The following SCML2 variants were observed in gnomAD, a reference collection of about 807,000 sequenced individuals.
SCML2 encodes Scm polycomb group protein like 2, also known as sex comb on midleg-like protein 2.
A neutral mutation model predicts 48.4 loss-of-function variants in SCML2; 6 were observed. The observed-to-expected ratio is 0.12, with a 90% CI of 0.07 to 0.24. The LOEUF (loss-of-function observed/expected upper bound fraction) is 0.24, where lower values mean the gene tolerates loss of function less well. Among genes scored for constraint, SCML2 ranks in the 10% least tolerant of loss-of-function variants. The pLI is 1.00. For synonymous variants in SCML2, 181 were observed against 189.5 expected, an observed-to-expected ratio of 0.95 and a Z score of 0.37; for missense variants, 377 against 528.2, an observed-to-expected ratio of 0.71 and a Z score of 2.81.
chrX:18,249,374 G>A (rs1437831867), intron 11 of SCML2, among the ~76,000 whole-genome samples: 1 of 111,314 alleles, frequency 9.0e-6, no homozygotes, highest in Non-Finnish European at 1.9e-5. Flanking sequence ...ATCGCTGGAG[G>A]GGGCACAATG....
At chrX:18,262,884 T>C (rs1355835968) in intron 8 of SCML2, among the ~76,000 whole-genome samples, 1 of 107,051 alleles carries the variant, frequency 9.3e-6, no homozygotes, top group Non-Finnish European at 1.9e-5. Context: ...CCCAGCTAAT[T>C]TGTGTATTTT....
intron 1 of SCML2, among the ~76,000 whole-genome samples, chrX:18,341,957 C>T (rs998966453): frequency 1.6e-4 from 18 of 112,066 alleles, no homozygotes; most frequent in African/African-American, 3.6e-4. Flanking sequence ...ATAGCATCAA[C>T]GGATTCTTAG....
chrX:18,329,019 T>TG (rs1929569262), intron 3 of SCML2, among the ~76,000 whole-genome samples: 3 of 110,824 alleles, frequency 2.7e-5, no homozygotes, highest in Middle Eastern at 4.7e-3. Context: ...TAGGGAGAAA[T>TG]GGGGAGTACT....
chrX:18,248,819 T>C (rs1926543257), intron 11 of SCML2, among the ~76,000 whole-genome samples: 2 of 112,443 alleles, frequency 1.8e-5, no homozygotes, highest in South Asian at 7.3e-4. Flanking sequence ...TTCTAAAATA[T>C]AGTTTTCTAT....
Position 18,241,141 on chromosome X carries a change from AT to A in SCML2, c.*109del. 1.4e-6 allele frequency: 1 copy of A among 705,415 alleles called. No homozygotes were observed. The highest frequency in any genetic ancestry group is 2.0e-6 in the Non-Finnish European group (1 of 512,609). The allele number at this position is 705,415 out of a possible 1,213,427, so 58.1% of individuals were successfully genotyped here. On this transcript the variant is annotated 3_prime_UTR_variant, in exon 15 of 15. Coordinates refer to ENST00000251900, the MANE Select transcript of SCML2 (RefSeq NM_006089.3). ...TACAGTTCTGCAATTCTGATAAAATATTTTTATGGGAACTGTCTACAAAACA... is the reference window on the plus strand; with the variant it reads ...TACAGTTCTGCAATTCTGATAAAATATTTTATGGGAACTGTCTACAAAACA...
At chrX:18,290,707 TTA>T (rs775490855) in intron 7 of SCML2, among the ~76,000 whole-genome samples, 1 of 111,737 alleles carries the variant, frequency 8.9e-6, no homozygotes, top group Non-Finnish European at 1.9e-5. Flanking sequence ...TATTTATTTA[TTA>T]TGTTAATAAA....
intron 1 of SCML2, among the ~76,000 whole-genome samples, chrX:18,335,582 G>T (rs1433905935): frequency 6.3e-5 from 7 of 111,812 alleles, no homozygotes; most frequent in Non-Finnish European, 1.3e-4. Flanking sequence ...GTCACACACA[G>T]AAGATATAAC....
chrX:18,268,464 G>A (rs1447564199), intron 7 of SCML2, among the ~76,000 whole-genome samples: 1 of 109,905 alleles, frequency 9.1e-6, no homozygotes, highest in Non-Finnish European at 1.9e-5. Context: ...GGGAGGCAGA[G>A]GTTGCAATGA....
intron 7 of SCML2, among the ~76,000 whole-genome samples, chrX:18,298,678 G>A (rs1268723463): frequency 9.0e-6 from 1 of 110,866 alleles, no homozygotes; most frequent in South Asian, 3.8e-4. Context: ...CCAACATGGG[G>A]AAACCCCGTC....
intron 5 of SCML2, among the ~76,000 whole-genome samples, chrX:18,322,332 T>C (rs1041799337): frequency 1.8e-5 from 2 of 112,165 alleles, no homozygotes; most frequent in South Asian, 3.7e-4. Context: ...AATCTAGTTA[T>C]GTATTTGAAA....
chrX:18,245,798 G>C (rs1926423794), intron 13 of SCML2, among the ~76,000 whole-genome samples: 1 of 111,985 alleles, frequency 8.9e-6, no homozygotes, highest in South Asian at 3.7e-4. Context: ...GGAATGCAAT[G>C]GCGCAATCTC....
intron 6 of SCML2, among the ~76,000 whole-genome samples, chrX:18,308,371 GAGGGAGGGA>G (rs1928835621): frequency 1.3e-5 from 1 of 79,063 alleles, no homozygotes; most frequent in Non-Finnish European, 2.4e-5. Flanking sequence ...GGGAGGGAGG[GAGGGAGGGA>G]AGGACAACCT....
At chrX:18,246,954 T>A in intron 12 of SCML2, 126 bp from the exon 13 acceptor site, 1 of 670,317 alleles carries the variant, frequency 1.5e-6, no homozygotes, top group Non-Finnish European at 2.2e-6. Context: ...CACAATGCTC[T>A]AACACAAAGT....
chrX:18,330,925 A>T (rs763096090), intron 2 of SCML2, among the ~76,000 whole-genome samples: 2 of 110,763 alleles, frequency 1.8e-5, no homozygotes, highest in Non-Finnish European at 3.8e-5. Context: ...CAAGCGCCTA[A>T]AACAGGACCT....
At chrX:18,326,967 G>A (rs1012244516) in intron 3 of SCML2, among the ~76,000 whole-genome samples, 2 of 111,625 alleles carry the variant, frequency 1.8e-5, no homozygotes, top group Admixed American at 9.6e-5. Flanking sequence ...AGTGAAAACC[G>A]AAATCCACGG....
intron 1 of SCML2, among the ~76,000 whole-genome samples, chrX:18,347,818 T>C (rs190710195): frequency 0.02 from 2,044 of 103,240 alleles, 28 homozygotes; most frequent in Non-Finnish European, 0.032. Context: ...TTGGTAGCAA[T>C]AATTTATCAA....
chrX:18,324,225 G>T (rs1929411051), intron 4 of SCML2, 132 bp from the exon 5 acceptor site: 1 of 454,757 alleles, frequency 2.2e-6, no homozygotes, highest in Non-Finnish European at 3.8e-6. Flanking sequence ...GGTCAGAGCT[G>T]TAAGAGTCAA....
chrX:18,286,294 T>C (rs1928050044), intron 7 of SCML2, among the ~76,000 whole-genome samples: 1 of 112,133 alleles, frequency 8.9e-6, no homozygotes. Flanking sequence ...GATTTAACAT[T>C]AGCATTATAA....
intron 5 of SCML2, among the ~76,000 whole-genome samples, chrX:18,321,267 G>A (rs996012078): frequency 8.1e-5 from 9 of 111,362 alleles, no homozygotes; most frequent in African/African-American, 2.9e-4. Context: ...CTCAACAGGT[G>A]TCTTTTCTAG....
Sources: gnomAD v4.1 joint callset for allele counts (sites outside exome capture counted in the v4.1 genomes callset) on GRCh38, gnomAD v4.1.1 for gene constraint, MANE v1.5 for transcripts, NCBI Gene and HGNC (gene_info 2026-07-23, HGNC 2026-07-21) for gene names.